LIN7A: variants seen among roughly 807,000 people sequenced by gnomAD.
LIN7A encodes lin-7 cell polarity scaffold A.
LIN7A carries 25 observed loss-of-function variants against 29.8 expected under a neutral mutation model. That is an observed-to-expected ratio of 0.84 (90% CI 0.61 to 1.17). The LOEUF is 1.17. Among genes scored for constraint, LIN7A ranks in the 50% most tolerant of loss-of-function variants. The pLI, the probability that LIN7A is intolerant of heterozygous loss-of-function variation, is 0.00. For synonymous variants in LIN7A, 118 were observed against 107.5 expected (o/e 1.10, Z -0.60); for missense variants, 239 against 287.0 (o/e 0.83, Z 1.21).
In LIN7A at chr12:80,889,433, C is replaced by A. The variant is rs897005240; in HGVS notation, c.83-64G>T. The A allele has an allele frequency of 2.3e-5, 23 of 990,358 alleles. No homozygotes were observed. The African/African-American group carries it at 2.6e-4, about 11-fold the overall frequency. The allele number at this position is 990,358 out of a possible 1,614,324, so 61.3% of individuals were successfully genotyped here. On this transcript the variant is annotated intron_variant, in intron 1 of 5. Transcript: ENST00000552864. ...AATTGTATCTCATCAGCTGAAAGTA[C>A]TATTATTCCAGTTGGATGATGACAT...
chr12:80,933,275 A>G (rs954432481), intron 1 of LIN7A, among the ~76,000 whole-genome samples: 2 of 152,220 alleles, frequency 1.3e-5, no homozygotes, highest in Admixed American at 6.5e-5. Context: ...CCCAGGATGC[A>G]TAATTAATGC....
At chr12:80,849,417 C>G (rs930214284) in intron 2 of LIN7A, among the ~76,000 whole-genome samples, 1 of 152,166 alleles carries the variant, frequency 6.6e-6, no homozygotes, top group Non-Finnish European at 1.5e-5. Context: ...CCCTGCTTCT[C>G]TTGTAATAAA....
chr12:80,850,060 G>A (rs542982208), intron 2 of LIN7A, among the ~76,000 whole-genome samples: 6 of 152,190 alleles, frequency 3.9e-5, no homozygotes, highest in Non-Finnish European at 8.8e-5. Flanking sequence ...TGTAAGTGCT[G>A]GAGATAAATA....
chr12:80,881,472 T>C (rs1032862519), intron 2 of LIN7A, among the ~76,000 whole-genome samples: 1 of 152,086 alleles, frequency 6.6e-6, no homozygotes, highest in Non-Finnish European at 1.5e-5. Flanking sequence ...GATAGTAACT[T>C]TGTGTGAAAA....
chr12:80,891,028 C>A (rs1032928246), intron 1 of LIN7A, among the ~76,000 whole-genome samples: 2 of 152,084 alleles, frequency 1.3e-5, no homozygotes, highest in Non-Finnish European at 2.9e-5. Flanking sequence ...TTTCTCCCCC[C>A]AAACAAGCCA....
At chr12:80,922,202 T>C (rs1025167358) in intron 1 of LIN7A, among the ~76,000 whole-genome samples, 5 of 152,192 alleles carry the variant, frequency 3.3e-5, no homozygotes, top group African/African-American at 9.7e-5. Context: ...TAGAAAAATA[T>C]AGCATTACTT....
chr12:80,812,450 T>TAAAAAAAAAAAAAAAAAAA (rs199686456), intron 4 of LIN7A, among the ~76,000 whole-genome samples: 1 of 131,542 alleles, frequency 7.6e-6, no homozygotes, highest in African/African-American at 2.7e-5. Context: ...TCAAACACTG[T>TAAAAAAAAAAAAAAAAAAA]AAAAAAAAAA....
At chr12:80,833,758 C>T (rs1029500165) in intron 4 of LIN7A, among the ~76,000 whole-genome samples, 3 of 152,158 alleles carry the variant, frequency 2.0e-5, no homozygotes, top group Admixed American at 2.0e-4. Flanking sequence ...TTCTAACATT[C>T]CATAGATAAC....
At chr12:80,800,035 A>G (rs1470493139) in intron 5 of LIN7A, among the ~76,000 whole-genome samples, 2 of 152,194 alleles carry the variant, frequency 1.3e-5, no homozygotes, top group Non-Finnish European at 2.9e-5. Flanking sequence ...TAGCCAAGCT[A>G]ACAAAAAGGA....
chr12:80,836,120 G>A (rs1592877258), intron 4 of LIN7A, among the ~76,000 whole-genome samples: 1 of 152,292 alleles, frequency 6.6e-6, no homozygotes, highest in East Asian at 1.9e-4. Context: ...TGCACTTAGA[G>A]TAAAATGAAA....
intron 5 of LIN7A, among the ~76,000 whole-genome samples, chr12:80,801,664 C>T (rs890392634): frequency 6.6e-6 from 1 of 152,116 alleles, no homozygotes; most frequent in Non-Finnish European, 1.5e-5. Context: ...CATTTTATCA[C>T]CACACATACT....
chr12:80,884,517 C>A (rs1875228938), intron 2 of LIN7A, among the ~76,000 whole-genome samples: 1 of 152,144 alleles, frequency 6.6e-6, no homozygotes, highest in East Asian at 1.9e-4. Context: ...GAGAACATGG[C>A]AAATCATTTA....
chr12:80,811,453 G>A lies in LIN7A; in HGVS notation c.*12C>T. 2 of 1,006,830 alleles carry A rather than the reference G, an allele frequency of 2.0e-6. No homozygotes were observed. Among genetic ancestry groups the A allele is most frequent in the Admixed American group, 2.1e-5 (1 of 46,866 alleles). 62.4% of individuals were successfully genotyped at this position (1,006,830 alleles called of 1,614,324 possible). A position where few individuals can be genotyped will look rare whatever the true frequency, so the allele number is the denominator to read the frequency against. On this transcript the variant is annotated intron_variant, in intron 5 of 5. Coordinates refer to ENST00000552864, the MANE Select transcript of LIN7A (RefSeq NM_004664.4). ...TATATATACTCCTTGTATAGAATAA[G>A]TCACTTCTCACCTATGACATGTGGT...
chr12:80,932,731 A>G (rs1039097661), intron 1 of LIN7A, among the ~76,000 whole-genome samples: 12 of 152,230 alleles, frequency 7.9e-5, no homozygotes, highest in African/African-American at 2.4e-4. Context: ...TCTGACCTTG[A>G]GATGAAAAGT....
intron 4 of LIN7A, among the ~76,000 whole-genome samples, chr12:80,837,962 T>C (rs2121532443): frequency 6.6e-6 from 1 of 152,196 alleles, no homozygotes; most frequent in Non-Finnish European, 1.5e-5. Flanking sequence ...TAATAATTTC[T>C]CTACAAATAA....
chr12:80,909,909 TAC>T (rs1312555244), intron 1 of LIN7A, among the ~76,000 whole-genome samples: 1 of 152,012 alleles, frequency 6.6e-6, no homozygotes, highest in African/African-American at 2.4e-5. Context: ...GAGATTGTCT[TAC>T]ATCTCTGTAT....
intron 1 of LIN7A, among the ~76,000 whole-genome samples, chr12:80,933,912 T>G (rs937328465): frequency 2.6e-5 from 4 of 152,162 alleles, no homozygotes; most frequent in African/African-American, 9.7e-5. Context: ...ATTGTGTGAC[T>G]CTCATTAGCA....
Position 80,913,702 on chromosome 12 carries a change from G to A in LIN7A, c.82+23939C>T, listed in dbSNP as rs903206957. On this transcript the variant is annotated intron_variant, in intron 1 of 5. Coordinates refer to ENST00000552864, the MANE Select transcript of LIN7A (RefSeq NM_004664.4). ...TGTGTTTATTAGGTTTTCTTTTTAT[G>A]TCTCACTCTGAACACTGACAATGAT... Among the ~76,000 whole-genome samples the A allele has an allele frequency of 5.9e-5, 9 of 152,190 alleles. No individual in the cohort carries two copies. In the East Asian group the frequency reaches 1.2e-3, roughly 20 times the overall value.
At chr12:80,865,301 C>T (rs1056036378) in intron 2 of LIN7A, among the ~76,000 whole-genome samples, 1 of 152,128 alleles carries the variant, frequency 6.6e-6, no homozygotes, top group Non-Finnish European at 1.5e-5. Context: ...ATGCAAAGCA[C>T]ATTCATCTGT....
Sources: allele counts gnomAD v4.1 joint callset (sites outside exome capture counted in the v4.1 genomes callset), GRCh38; gene constraint gnomAD v4.1.1; transcripts MANE v1.5; gene names NCBI Gene and HGNC (gene_info 2026-07-23, HGNC 2026-07-21).